ZNF704: variants seen among roughly 807,000 people sequenced by gnomAD.
ZNF704 encodes glucocorticoid induced gene 1.
ZNF704 carries 10 observed loss-of-function variants against 44.7 expected under a neutral mutation model. The observed-to-expected ratio is 0.22, with a 90% CI of 0.14 to 0.38. ZNF704 has a LOEUF of 0.38. Among genes scored for constraint, ZNF704 ranks in the 10% least tolerant of loss-of-function variants. The pLI is 1.00. For synonymous variants in ZNF704, 211 were observed against 207.6 expected (o/e 1.02, Z -0.14); for missense variants, 390 against 545.5 (o/e 0.71, Z 2.84).
intron 2 of ZNF704, among the ~76,000 whole-genome samples, chr8:80,738,013 G>A (rs1445731258): frequency 6.6e-6 from 1 of 152,140 alleles, no homozygotes; most frequent in Admixed American, 6.6e-5. Flanking sequence ...TCTTGACCTT[G>A]ATAGTTTTGA....
chr8:80,834,922 C>T (rs1485466590), intron 1 of ZNF704, among the ~76,000 whole-genome samples: 1 of 152,184 alleles, frequency 6.6e-6, no homozygotes, highest in Non-Finnish European at 1.5e-5. Flanking sequence ...TTTTCTTTAT[C>T]CAGCCTATCA....
At chr8:80,825,753 G>A (rs934908160) in intron 1 of ZNF704, among the ~76,000 whole-genome samples, 1 of 152,160 alleles carries the variant, frequency 6.6e-6, no homozygotes, top group African/African-American at 2.4e-5. Flanking sequence ...AATCAAACTA[G>A]AACTCAGGAT....
chr8:80,821,488 T>A lies in ZNF704; in HGVS notation c.107A>T (p.Asp36Val). 6.2e-7 allele frequency: 1 copy of A among 1,614,180 alleles called. No individual in the cohort carries two copies. The highest frequency in any genetic ancestry group is 8.5e-7 in the Non-Finnish European group (1 of 1,180,008). The stretch of plus-strand genomic sequence containing the variant: ...AAGGATCCGGCTGGCTTTTTTGGTG[T>A]CTGCTGTTTTCACATCTTCCTCCAT... ...LAMEEDVKTA[D>V]TKKASRILDH... Residue 36 changes from aspartate (D) to valine (V), a missense_variant, in exon 2 of 9, where the codon GAC becomes GTC. Transcript: ENST00000327835.
intron 1 of ZNF704, among the ~76,000 whole-genome samples, chr8:80,856,099 A>G (rs775719585): frequency 5.9e-5 from 9 of 152,166 alleles, no homozygotes; most frequent in Non-Finnish European, 1.0e-4. Context: ...CTGGGACTAT[A>G]GGCACATGCT....
intron 2 of ZNF704, among the ~76,000 whole-genome samples, chr8:80,772,174 CTTA>C (rs992917701): frequency 6.6e-6 from 1 of 151,926 alleles, no homozygotes; most frequent in African/African-American, 2.4e-5. Flanking sequence ...TCTCTGTATT[CTTA>C]TTTTTTTTGT....
At chr8:80,647,689 G>T (rs1817855115) in intron 7 of ZNF704, among the ~76,000 whole-genome samples, 1 of 152,192 alleles carries the variant, frequency 6.6e-6, no homozygotes, top group Non-Finnish European at 1.5e-5. Flanking sequence ...GGGGCACAAA[G>T]AAAATTGCAT....
intron 2 of ZNF704, among the ~76,000 whole-genome samples, chr8:80,702,904 C>G (rs987145757): frequency 6.6e-6 from 1 of 152,012 alleles, no homozygotes; most frequent in African/African-American, 2.4e-5. Flanking sequence ...CCAGGTGGCT[C>G]AAGCCTTCCA....
At chr8:80,759,570 C>G (rs1262502725) in intron 2 of ZNF704, among the ~76,000 whole-genome samples, 1 of 152,096 alleles carries the variant, frequency 6.6e-6, no homozygotes, top group Admixed American at 6.6e-5. Flanking sequence ...ATGACGTTGT[C>G]ATGGTGGGGA....
In ZNF704 at chr8:80,752,849, A is replaced by C. The variant is rs1279188835; in HGVS notation, c.222-59742T>G. On this transcript the variant is annotated intron_variant, in intron 2 of 8. Coordinates refer to ENST00000327835, the MANE Select transcript of ZNF704 (RefSeq NM_001033723.3). ...AGCCACCGCGCCTGGCCAAAAAAAT[A>C]ATCTTTTAAAGTTGGCATTTTCAAG... Among the ~76,000 whole-genome samples, 5 of 152,198 alleles carry C rather than the reference A, an allele frequency of 3.3e-5. No individual in the cohort carries two copies. The East Asian group carries it at 7.7e-4, about 23-fold the overall frequency.
At chr8:80,862,675 G>A (rs1198807256) in intron 1 of ZNF704, among the ~76,000 whole-genome samples, 1 of 134,184 alleles carries the variant, frequency 7.5e-6, no homozygotes, top group African/African-American at 2.9e-5. Context: ...TGAGGCACAA[G>A]AACTGCCTGA....
At chr8:80,854,594 A>G (rs1808926285) in intron 1 of ZNF704, among the ~76,000 whole-genome samples, 1 of 152,220 alleles carries the variant, frequency 6.6e-6, no homozygotes, top group South Asian at 2.1e-4. Context: ...AACTAAAATC[A>G]GAATATAAGT....
intron 2 of ZNF704, among the ~76,000 whole-genome samples, chr8:80,720,482 A>G (rs929330441): frequency 2.0e-5 from 3 of 152,254 alleles, no homozygotes; most frequent in African/African-American, 7.2e-5. Flanking sequence ...TCCTATATAT[A>G]CTAATAGCAC....
At chr8:80,717,905 C>T (rs1819097137) in intron 2 of ZNF704, among the ~76,000 whole-genome samples, 1 of 152,136 alleles carries the variant, frequency 6.6e-6, no homozygotes, top group African/African-American at 2.4e-5. Flanking sequence ...CTAGAACTGT[C>T]TCCTTCTCTC....
At chr8:80,669,300 C>T (rs952191526) in intron 5 of ZNF704, among the ~76,000 whole-genome samples, 9 of 152,172 alleles carry the variant, frequency 5.9e-5, no homozygotes, top group African/African-American at 2.2e-4. Flanking sequence ...GGAGACACTG[C>T]AGGATTTCCT....
chr8:80,713,418 C>A (rs1819023893), intron 2 of ZNF704, among the ~76,000 whole-genome samples: 1 of 152,166 alleles, frequency 6.6e-6, no homozygotes, highest in African/African-American at 2.4e-5. Context: ...CTTTATTCCT[C>A]TTAAATGTCA....
chr8:80,742,830 A>G (rs542293295), intron 2 of ZNF704, among the ~76,000 whole-genome samples: 1 of 152,166 alleles, frequency 6.6e-6, no homozygotes, highest in South Asian at 2.1e-4. Context: ...AACCTCCCCA[A>G]GAGCACTTGG....
intron 2 of ZNF704, among the ~76,000 whole-genome samples, chr8:80,713,900 G>C (rs1162739747): frequency 6.6e-6 from 1 of 152,202 alleles, no homozygotes; most frequent in Non-Finnish European, 1.5e-5. Flanking sequence ...ATGCACTACA[G>C]GGATGGGTTG....
chr8:80,683,962 G>A (rs1000300601), intron 4 of ZNF704, among the ~76,000 whole-genome samples: 15 of 152,214 alleles, frequency 9.9e-5, no homozygotes, highest in Admixed American at 3.9e-4. Flanking sequence ...TTCATAGTCA[G>A]ATATAGGCAA....
chr8:80,666,578 C>G (rs1362727138), intron 5 of ZNF704, among the ~76,000 whole-genome samples: 13 of 151,340 alleles, frequency 8.6e-5, no homozygotes, highest in Non-Finnish European at 1.5e-4. Flanking sequence ...TACAGTCCCA[C>G]CAACAGTGTA....
Sources: gnomAD v4.1 joint callset for allele counts (sites outside exome capture counted in the v4.1 genomes callset) on GRCh38, gnomAD v4.1.1 for gene constraint, MANE v1.5 for transcripts, NCBI Gene and HGNC (gene_info 2026-07-23, HGNC 2026-07-21) for gene names.